Variants in CCDC50 observed in about 807,000 individuals in gnomAD.
The protein encoded by CCDC50 is coiled-coil domain-containing protein 50.
Under a neutral mutation model 70.2 loss-of-function variants are expected in CCDC50, and 54 were observed. That is an observed-to-expected ratio of 0.77 (90% CI 0.62 to 0.96). The LOEUF (loss-of-function observed/expected upper bound fraction) is 0.96, where lower values mean the gene tolerates loss of function less well. Among genes scored for constraint, CCDC50 ranks in the 50% least tolerant of loss-of-function variants. The pLI is 0.00. For synonymous variants in CCDC50, 216 were observed against 198.8 expected, an observed-to-expected ratio of 1.09 and a Z score of -0.73; for missense variants, 558 against 578.7, an observed-to-expected ratio of 0.96 and a Z score of 0.37.
chr3:191,342,681 C>A (rs939026858), intron 1 of CCDC50, among the ~76,000 whole-genome samples: 3 of 152,030 alleles, frequency 2.0e-5, no homozygotes, highest in Non-Finnish European at 4.4e-5. Context: ...GGCTGCCAAA[C>A]CATTTGAGGG....
At chr3:191,330,851 AGTG>A (rs535417555) in intron 1 of CCDC50, among the ~76,000 whole-genome samples, 26 of 152,282 alleles carry the variant, frequency 1.7e-4, no homozygotes, top group African/African-American at 5.1e-4. Context: ...ACTAGTGACT[AGTG>A]GTCACTGATT....
At chr3:191,368,122 A>T (rs1183404454) in intron 4 of CCDC50, among the ~76,000 whole-genome samples, 1 of 152,024 alleles carries the variant, frequency 6.6e-6, no homozygotes, top group Non-Finnish European at 1.5e-5. Flanking sequence ...CCCCAAATTT[A>T]TATCAGTAGT....
intron 1 of CCDC50, among the ~76,000 whole-genome samples, chr3:191,332,117 G>A (rs1339907248): frequency 2.0e-5 from 3 of 152,162 alleles, no homozygotes; most frequent in Non-Finnish European, 4.4e-5. Context: ...TGTTTAGGAG[G>A]GGATGGGGCA....
intron 10 of CCDC50, 60 bp from the exon 11 acceptor site, chr3:191,389,436 G>T (rs1245997061): frequency 1.5e-6 from 2 of 1,348,970 alleles, no homozygotes. Context: ...TCCAGTAAGA[G>T]GGGTGGAGTT....
At chr3:191,331,826 GC>G (rs1395949516) in intron 1 of CCDC50, among the ~76,000 whole-genome samples, 2 of 152,160 alleles carry the variant, frequency 1.3e-5, no homozygotes, top group Non-Finnish European at 2.9e-5. Flanking sequence ...TGAAGCTTGT[GC>G]CCCTGATAGG....
At chr3:191,360,201 T>G (rs1028009938) in intron 3 of CCDC50, among the ~76,000 whole-genome samples, 4 of 152,268 alleles carry the variant, frequency 2.6e-5, no homozygotes, top group Non-Finnish European at 5.9e-5. Context: ...TTTCTCAGTT[T>G]CGCTTTCCCA....
At position 191,392,290 on chromosome 3, in the gene CCDC50, T is replaced by A. The variant is rs1472286820; in HGVS notation, c.*530T>A. On this transcript the variant is annotated 3_prime_UTR_variant, in exon 12 of 12. Transcript: ENST00000392455. ...CACTTGGAGCAATTGAAATATGTTA[T>A]TCTGACTAGATGGACTGTAGAGGTT... The A allele has an allele frequency of 2.5e-5, 4 of 158,912 alleles. No homozygotes were observed. The highest frequency in any genetic ancestry group is 3.3e-3 in the Middle Eastern group (1 of 300). 9.8% of individuals were successfully genotyped at this position (158,912 alleles called of 1,614,324 possible).
rs112463249 is a variant in CCDC50, at chr3:191,364,810, C to A, written c.330+3651C>A. On this transcript the variant is annotated intron_variant, in intron 4 of 11. Coordinates refer to ENST00000392455, the MANE Select transcript of CCDC50 (RefSeq NM_178335.3). ...TTTTCGGTCTTTCTAGCTTTGAGAACTCCTCACCTTCCCTCCCTTCATTCC... is the reference window on the plus strand; with the variant it reads ...TTTTCGGTCTTTCTAGCTTTGAGAAATCCTCACCTTCCCTCCCTTCATTCC... 6.2e-3 allele frequency among the ~76,000 whole-genome samples: 938 copies of A among 151,944 alleles called. 8 individuals carry two copies. The highest frequency in any genetic ancestry group is 0.02 in the African/African-American group (835 of 41,416).
intron 3 of CCDC50, among the ~76,000 whole-genome samples, chr3:191,360,707 C>T (rs1712455831): frequency 6.6e-6 from 1 of 152,090 alleles, no homozygotes; most frequent in East Asian, 1.9e-4. Context: ...CATGGCATGA[C>T]AGAGAATGAT....
rs753665928 is a variant in CCDC50, at chr3:191,351,987, G to T, written c.50-5101G>T. Among the ~76,000 whole-genome samples, 4 of 141,246 alleles carry T rather than the reference G, an allele frequency of 2.8e-5. 1 individual carries two copies. The highest frequency in any genetic ancestry group is 1.0e-4 in the African/African-American group (4 of 39,632). The allele number at this position is 141,246 out of a possible 152,430, so 92.7% of individuals were successfully genotyped here. A position where few individuals can be genotyped will look rare whatever the true frequency, so the allele number is the denominator to read the frequency against. ...TTTAACTTACCTTGAGATACATTTCGTGTTAATTACTTTAAGGTTTCTTGA... is the reference window on the plus strand; with the variant it reads ...TTTAACTTACCTTGAGATACATTTCTTGTTAATTACTTTAAGGTTTCTTGA... On this transcript the variant is annotated intron_variant, in intron 1 of 11. Coordinates refer to ENST00000392455, the MANE Select transcript of CCDC50 (RefSeq NM_178335.3).
intron 1 of CCDC50, among the ~76,000 whole-genome samples, chr3:191,343,664 C>A (rs1293491044): frequency 6.6e-6 from 1 of 152,128 alleles, no homozygotes; most frequent in Non-Finnish European, 1.5e-5. Context: ...AAAGAAGGTA[C>A]AGGAGACAAG....
intron 5 of CCDC50, among the ~76,000 whole-genome samples, chr3:191,371,926 C>T (rs1712927238): frequency 6.6e-6 from 1 of 152,078 alleles, no homozygotes; most frequent in South Asian, 2.1e-4. Flanking sequence ...GTGTTTTTCC[C>T]TTTTTTAAAA....
chr3:191,335,107 G>A (rs907018613), intron 1 of CCDC50, among the ~76,000 whole-genome samples: 1 of 152,068 alleles, frequency 6.6e-6, no homozygotes, highest in African/African-American at 2.4e-5. Flanking sequence ...CCCTTGTTAG[G>A]GACTTAACAG....
chr3:191,387,064 A>G (rs1713521310), intron 10 of CCDC50, among the ~76,000 whole-genome samples: 1 of 152,184 alleles, frequency 6.6e-6, no homozygotes, highest in African/African-American at 2.4e-5. Context: ...TCATTTATCA[A>G]GTATTTATTG....
At chr3:191,377,447 A>T (rs1015119464) in intron 6 of CCDC50, among the ~76,000 whole-genome samples, 1 of 152,128 alleles carries the variant, frequency 6.6e-6, no homozygotes, top group African/African-American at 2.4e-5. Context: ...TAAGTATAAG[A>T]TAACTTTCTA....
intron 11 of CCDC50, among the ~76,000 whole-genome samples, chr3:191,391,070 T>A (rs1458378104): frequency 1.3e-5 from 2 of 152,154 alleles, no homozygotes; most frequent in South Asian, 2.1e-4. Context: ...CATAAAAGAT[T>A]AAATATGTGA....
At chr3:191,378,743 G>C (rs939353572) in intron 6 of CCDC50, among the ~76,000 whole-genome samples, 1 of 119,982 alleles carries the variant, frequency 8.3e-6, no homozygotes. Flanking sequence ...TTTTTTGTTT[G>C]TTTGTTTGTT....
In CCDC50 at chr3:191,392,073, G is replaced by T; in HGVS notation, c.*313G>T. On this transcript the variant is annotated 3_prime_UTR_variant, in exon 12 of 12. Transcript: ENST00000392455. Reference sequence around the variant, plus strand: ...TATGGAGTTTGGTATCTAGGGAGTAGGCCTTATTTAGCAATTCAAATTTTA... The same window carrying T: ...TATGGAGTTTGGTATCTAGGGAGTATGCCTTATTTAGCAATTCAAATTTTA... 1 of 274,340 alleles carries T rather than the reference G, an allele frequency of 3.6e-6. No individual in the cohort carries two copies. Among genetic ancestry groups the T allele is most frequent in the Non-Finnish European group, 6.9e-6 (1 of 145,352 alleles). 17.0% of individuals were successfully genotyped at this position (274,340 alleles called of 1,614,324 possible). A position where few individuals can be genotyped will look rare whatever the true frequency, so the allele number is the denominator to read the frequency against.
intron 6 of CCDC50, 35 bp downstream of exon 6, chr3:191,375,624 T>A (rs1329965865): frequency 6.2e-7 from 1 of 1,601,414 alleles, no homozygotes; most frequent in Admixed American, 1.7e-5. Context: ...AGTCCTGGTA[T>A]CATGTATATA....
Sources: allele counts gnomAD v4.1 joint callset (sites outside exome capture counted in the v4.1 genomes callset), GRCh38; gene constraint gnomAD v4.1.1; transcripts MANE v1.5; gene names NCBI Gene and HGNC (gene_info 2026-07-23, HGNC 2026-07-21).